SHROOM3: variants seen among roughly 807,000 people sequenced by gnomAD.
SHROOM3 encodes the protein shroom family member 3.
In SHROOM3, 47 loss-of-function variants were observed where a neutral mutation model predicts 138.6. The observed-to-expected ratio is 0.34, with a 90% confidence interval of 0.27 to 0.43. The LOEUF is 0.43. Ranked by LOEUF, SHROOM3 falls within the 20% of genes least tolerant of loss-of-function variation. The probability of loss-of-function intolerance (pLI) is 1.00; values close to 1 mark genes in which losing one functional copy is unlikely to be tolerated. For synonymous variants in SHROOM3, 1,062 were observed against 1,063.3 expected, an observed-to-expected ratio of 1.00 and a Z score of 0.02; for missense variants, 2,491 against 2,596.5, an observed-to-expected ratio of 0.96 and a Z score of 0.88.
intron 1 of SHROOM3, among the ~76,000 whole-genome samples, chr4:76,450,011 A>AG (rs1380920014): frequency 1.3e-5 from 2 of 152,110 alleles, no homozygotes; most frequent in Non-Finnish European, 2.9e-5. Context: ...GAGCACAGGG[A>AG]GGGGTATTTC....
At chr4:76,515,106 T>C (rs1193264469) in intron 1 of SHROOM3, among the ~76,000 whole-genome samples, 3 of 151,750 alleles carry the variant, frequency 2.0e-5, no homozygotes, top group African/African-American at 7.3e-5. Flanking sequence ...TCCCAGCTAC[T>C]TGGGAGGCTG....
At chr4:76,721,226 G>T (rs1207099860) in intron 3 of SHROOM3, among the ~76,000 whole-genome samples, 1 of 151,198 alleles carries the variant, frequency 6.6e-6, no homozygotes, top group Non-Finnish European at 1.5e-5. Flanking sequence ...CAGGAGAATG[G>T]CGTGAACCCG....
intron 2 of SHROOM3, among the ~76,000 whole-genome samples, chr4:76,614,336 G>A (rs920648984): frequency 1.3e-5 from 2 of 152,168 alleles, no homozygotes; most frequent in African/African-American, 4.8e-5. Flanking sequence ...TTACAGGCAT[G>A]AGCCACTGCG....
chr4:76,446,729 G>A (rs1403326069), intron 1 of SHROOM3, among the ~76,000 whole-genome samples: 1 of 152,192 alleles, frequency 6.6e-6, no homozygotes, highest in African/African-American at 2.4e-5. Context: ...GGCACATGAG[G>A]TTCATGCCTC....
chr4:76,720,197 T>C (rs1453302154), intron 3 of SHROOM3, among the ~76,000 whole-genome samples: 1 of 122,900 alleles, frequency 8.1e-6, no homozygotes, highest in Admixed American at 9.8e-5. Context: ...CCAAAAGGTC[T>C]GAGGGATAGT....
chr4:76,453,405 A>G (rs1327224453), intron 1 of SHROOM3, among the ~76,000 whole-genome samples: 3 of 151,666 alleles, frequency 2.0e-5, no homozygotes, highest in Non-Finnish European at 4.4e-5. Context: ...CAGCCTCCAG[A>G]GTATCTGGGA....
At chr4:76,658,051 G>A (rs1366407455) in intron 2 of SHROOM3, among the ~76,000 whole-genome samples, 5 of 152,282 alleles carry the variant, frequency 3.3e-5, no homozygotes, top group South Asian at 2.1e-4. Context: ...AAATGAAGTC[G>A]ATAGCAATAC....
In SHROOM3 at chr4:76,759,639, G is replaced by A; in HGVS notation, c.5293G>A (p.Glu1765Lys). ...GGCTGAGCTACTGAACAAAATCAAA[G>A]AGATGCCAGCAGAAGTGAATGAGGA... The part of the protein sequence containing the change: ...PKAELLNKIK[E>K]MPAEVNEEEE... The change falls in exon 9 of 11, where the codon GAG becomes AAG. Residue 1765 changes from glutamate (E) to lysine (K), a missense_variant. Glu to Lys is a moderately conservative substitution (Grantham distance 56, BLOSUM62 1). Transcript: ENST00000296043. 1 of 1,614,180 alleles carries A rather than the reference G, an allele frequency of 6.2e-7. No individual in the cohort carries two copies. Among genetic ancestry groups the A allele is most frequent in the Non-Finnish European group, 8.5e-7 (1 of 1,180,038 alleles).
chr4:76,725,672 G>A (rs1056608751), intron 3 of SHROOM3, among the ~76,000 whole-genome samples: 1 of 152,156 alleles, frequency 6.6e-6, no homozygotes, highest in African/African-American at 2.4e-5. Flanking sequence ...TGAAAACAGA[G>A]GACATTGGGT....
At chr4:76,551,149 G>T (rs957097841) in intron 1 of SHROOM3, among the ~76,000 whole-genome samples, 7 of 151,520 alleles carry the variant, frequency 4.6e-5, no homozygotes, top group African/African-American at 1.7e-4. Flanking sequence ...GAGACCACAG[G>T]CATGTGCCAC....
In SHROOM3 at chr4:76,446,726, G is replaced by C. The variant is rs1168409668; in HGVS notation, c.168+10506G>C. Among the ~76,000 whole-genome samples, 3 of 152,246 alleles carry C rather than the reference G, an allele frequency of 2.0e-5. No homozygotes were observed. In the East Asian group the frequency reaches 5.8e-4, roughly 29 times the overall value. ...AGAACAATGATCTGCTGGGGCACAT[G>C]AGGTTCATGCCTCCCGACATGCTGA... On this transcript the variant is annotated intron_variant, in intron 1 of 10. Transcript: ENST00000296043.
chr4:76,596,237 TGGGACATTTTCATATGAAAAAATAGA>T (rs1204951291), intron 2 of SHROOM3, among the ~76,000 whole-genome samples: 1 of 152,106 alleles, frequency 6.6e-6, no homozygotes, highest in Non-Finnish European at 1.5e-5. Flanking sequence ...AGTAATGTGC[TGGGACATTTTCATATGAAAAAATAGA>T]GAGCCAGGTG....
chr4:76,521,300 A>G (rs1246104256), intron 1 of SHROOM3, among the ~76,000 whole-genome samples: 1 of 152,178 alleles, frequency 6.6e-6, no homozygotes, highest in Non-Finnish European at 1.5e-5. Context: ...GTGTGCGCAC[A>G]TATGTGTGTG....
chr4:76,719,279 A>G (rs1034562237), intron 3 of SHROOM3, among the ~76,000 whole-genome samples: 1 of 152,258 alleles, frequency 6.6e-6, no homozygotes. Context: ...TTTTAGCAAC[A>G]TATGCTATGG....
rs73826416 is a variant in SHROOM3 at position 76,663,972 on chromosome 4, C to T, written c.324-46184C>T. 8.3e-3 allele frequency among the ~76,000 whole-genome samples: 1,269 copies of T among 152,308 alleles called. 19 individuals carry two copies. The highest frequency in any genetic ancestry group is 0.029 in the African/African-American group (1,211 of 41,548). On this transcript the variant is annotated intron_variant, in intron 2 of 10. Coordinates refer to ENST00000296043, the MANE Select transcript of SHROOM3 (RefSeq NM_020859.4). ...ACCCCAAGCTGCAGTTCTGAGATAC[C>T]TTGTCTGACTATTCAAACAATTTCT...
rs144641899 is a variant in SHROOM3, at chr4:76,685,052, T to C, written c.324-25104T>C. Among the ~76,000 whole-genome samples the C allele has an allele frequency of 4.9e-3, 754 of 152,366 alleles. 6 individuals are homozygous for C. Among genetic ancestry groups the C allele is most frequent in the African/African-American group, 0.015 (636 of 41,584 alleles). On this transcript the variant is annotated intron_variant, in intron 2 of 10. Coordinates refer to ENST00000296043, the MANE Select transcript of SHROOM3 (RefSeq NM_020859.4). ...ATATTATGCTAGAAGCTATATATTG[T>C]TCACAGTAAACCCCAACACCCATTT...
At chr4:76,533,859 C>A (rs913793919) in intron 1 of SHROOM3, among the ~76,000 whole-genome samples, 1 of 152,110 alleles carries the variant, frequency 6.6e-6, no homozygotes, top group Non-Finnish European at 1.5e-5. Context: ...TTTGGAACTG[C>A]AGAACACACT....
chr4:76,693,383 T>TTGTTTTG (rs1553937657), intron 2 of SHROOM3, among the ~76,000 whole-genome samples: 9 of 141,346 alleles, frequency 6.4e-5, no homozygotes, highest in African/African-American at 2.2e-4. Flanking sequence ...TTTTTTTTTT[T>TTGTTTTG]TTTTTTTTTT....
chr4:76,754,232 C>T, intron 6 of SHROOM3, 79 bp from the exon 7 acceptor site: 7 of 1,568,768 alleles, frequency 4.5e-6, no homozygotes, highest in Non-Finnish European at 6.1e-6. Context: ...ATGCTTTTCT[C>T]ATCTATGTAA....
Sources: gnomAD v4.1 joint callset for allele counts (sites outside exome capture counted in the v4.1 genomes callset) on GRCh38, gnomAD v4.1.1 for gene constraint, MANE v1.5 for transcripts, NCBI Gene and HGNC (gene_info 2026-07-23, HGNC 2026-07-21) for gene names.